The following STK33 variants were observed in gnomAD, a reference collection of about 807,000 sequenced individuals.
STK33 encodes the protein serine/threonine kinase 33.
STK33 carries 52 observed loss-of-function variants against 58.0 expected under a neutral mutation model. The ratio of observed to expected loss-of-function variants is 0.90; its 90% CI spans 0.72 to 1.13. The LOEUF is 1.13. STK33 is among the 50% of genes most tolerant of loss of function. The pLI is 0.00. For synonymous variants in STK33, 215 were observed against 200.1 expected, an observed-to-expected ratio of 1.07 and a Z score of -0.63; for missense variants, 630 against 604.2, an observed-to-expected ratio of 1.04 and a Z score of -0.45.
chr11:8,538,756 C>T (rs144967525), intron 1 of STK33, among the ~76,000 whole-genome samples: 184 of 152,294 alleles, frequency 1.2e-3, no homozygotes, highest in Non-Finnish European at 2.2e-3. Flanking sequence ...TGAACACACA[C>T]ACATATGCAT....
At chr11:8,443,137 A>G (rs534763801) in intron 11 of STK33, among the ~76,000 whole-genome samples, 2 of 152,338 alleles carry the variant, frequency 1.3e-5, no homozygotes, top group South Asian at 4.1e-4. Context: ...CTAAAAGTAC[A>G]AAAACAATGT....
chr11:8,559,159 A>G (rs994069169), intron 1 of STK33, among the ~76,000 whole-genome samples: 1 of 152,224 alleles, frequency 6.6e-6, no homozygotes, highest in African/African-American at 2.4e-5. Context: ...TGGTAAATAC[A>G]GCATTTGATC....
chr11:8,536,972 A>AAAT (rs1565305538), intron 1 of STK33, among the ~76,000 whole-genome samples: 2 of 65,732 alleles, frequency 3.0e-5, no homozygotes, highest in African/African-American at 6.8e-5. Context: ...AAAAAAAAAG[A>AAAT]TTTTTTTTTT....
chr11:8,495,938 G>C (rs1951023774), intron 1 of STK33, among the ~76,000 whole-genome samples: 1 of 151,562 alleles, frequency 6.6e-6, no homozygotes, highest in African/African-American at 2.4e-5. Flanking sequence ...TCACACACTG[G>C]GGCCTGTCAT....
chr11:8,358,702 C>T, the STK33 span, among the ~76,000 whole-genome samples: 1 of 152,054 alleles, frequency 6.6e-6, no homozygotes, highest in Non-Finnish European at 1.5e-5. Flanking sequence ...GCAACGTGAA[C>T]ATCAAAATAA....
chr11:8,589,523 C>T (rs561273701), intron 1 of STK33, among the ~76,000 whole-genome samples: 1 of 152,238 alleles, frequency 6.6e-6, no homozygotes, highest in South Asian at 2.1e-4. Flanking sequence ...GGCATGACTG[C>T]TATTGGATGT....
intron 2 of STK33, among the ~76,000 whole-genome samples, chr11:8,478,556 C>T (rs1450058951): frequency 1.3e-5 from 2 of 152,048 alleles, no homozygotes; most frequent in Non-Finnish European, 2.9e-5. Flanking sequence ...AGGTCTTTTA[C>T]ATATTGGCCC....
At chr11:8,451,563 A>G (rs1332700187) in intron 11 of STK33, among the ~76,000 whole-genome samples, 2 of 152,194 alleles carry the variant, frequency 1.3e-5, no homozygotes, top group Non-Finnish European at 2.9e-5. Flanking sequence ...GAGAGACAAG[A>G]AGGCAAATCT....
chr11:8,388,123 G>C (rs1271647519), downstream of STK33, among the ~76,000 whole-genome samples: 1 of 152,194 alleles, frequency 6.6e-6, no homozygotes, highest in East Asian at 1.9e-4. Flanking sequence ...TTTGGAGGAG[G>C]AGGTCCAGGA....
intron 1 of STK33, among the ~76,000 whole-genome samples, chr11:8,496,738 C>T (rs1284987197): frequency 6.6e-6 from 1 of 151,974 alleles, no homozygotes; most frequent in Non-Finnish European, 1.5e-5. Flanking sequence ...CCACGCCCGG[C>T]TAATTTTTTA....
intron 15 of STK33, among the ~76,000 whole-genome samples, chr11:8,407,081 C>A (rs952374738): frequency 1.3e-5 from 2 of 151,700 alleles, no homozygotes; most frequent in Admixed American, 6.6e-5. Flanking sequence ...TTATCAAATG[C>A]TTTTCCCAAA....
intron 14 of STK33, among the ~76,000 whole-genome samples, chr11:8,424,013 G>A (rs1047516800): frequency 1.3e-5 from 2 of 151,764 alleles, no homozygotes; most frequent in Non-Finnish European, 2.9e-5. Flanking sequence ...TATACTTTAA[G>A]TTTTAGGGTA....
At chr11:8,457,890 C>T (rs569134575) in intron 8 of STK33, among the ~76,000 whole-genome samples, 2 of 152,280 alleles carry the variant, frequency 1.3e-5, no homozygotes, top group East Asian at 3.9e-4. Flanking sequence ...AAGCTTGAAA[C>T]AGCACTGTCT....
chr11:8,578,596 T>C (rs1471940384), intron 1 of STK33, among the ~76,000 whole-genome samples: 2 of 151,792 alleles, frequency 1.3e-5, no homozygotes, highest in Admixed American at 1.3e-4. Flanking sequence ...TACATTTTTG[T>C]ACGTGTAATT....
chr11:8,351,351 C>G, the STK33 span, among the ~76,000 whole-genome samples: 1 of 152,222 alleles, frequency 6.6e-6, no homozygotes, highest in African/African-American at 2.4e-5. Flanking sequence ...TGGGTCCTGA[C>G]CCCAGTCCAC....
the STK33 span, among the ~76,000 whole-genome samples, chr11:8,337,007 C>A: frequency 6.6e-6 from 1 of 152,240 alleles, no homozygotes; most frequent in Non-Finnish European, 1.5e-5. Context: ...CAGGCCCAGG[C>A]CTCAATCGTG....
the STK33 span, among the ~76,000 whole-genome samples, chr11:8,367,503 A>G: frequency 6.6e-6 from 1 of 152,060 alleles, no homozygotes; most frequent in East Asian, 1.9e-4. Flanking sequence ...ATCTTCCTGC[A>G]CTGTGACATG....
chr11:8,536,775 GTTGT>G lies in STK33; in HGVS notation c.-465-56165_-465-56162del, dbSNP rs971181544. 1.2e-4 allele frequency among the ~76,000 whole-genome samples: 18 copies of G among 149,778 alleles called. No individual in the cohort carries two copies. In the East Asian group the frequency reaches 1.8e-3, roughly 15 times the overall value. The stretch of plus-strand genomic sequence containing the variant: ...TTTCTTTTTTTGTTGTTGTTTATTT[GTTGT>G]TTGTTTGTTTGTTTGAAGAGACAAG... On this transcript the variant is annotated intron_variant, in intron 1 of 15. Transcript: ENST00000687296.
the STK33 span, among the ~76,000 whole-genome samples, chr11:8,337,886 T>G: frequency 6.6e-6 from 1 of 152,140 alleles, no homozygotes; most frequent in Non-Finnish European, 1.5e-5. Flanking sequence ...TCCACCCAAA[T>G]GCAGCTTCTC....
Sources: allele counts gnomAD v4.1 joint callset (sites outside exome capture counted in the v4.1 genomes callset), GRCh38; gene constraint gnomAD v4.1.1; transcripts MANE v1.5; gene names NCBI Gene and HGNC (gene_info 2026-07-23, HGNC 2026-07-21).